Variants in GRIA3 observed in about 807,000 individuals in gnomAD.
GRIA3 encodes the protein glutamate ionotropic receptor AMPA type subunit 3, also known as glutamate receptor 3.
Under a neutral mutation model 63.0 loss-of-function variants are expected in GRIA3, and 3 were observed. The ratio of observed to expected loss-of-function variants is 0.05; its 90% CI spans 0.02 to 0.12. The LOEUF (loss-of-function observed/expected upper bound fraction) is 0.12, where lower values mean the gene tolerates loss of function less well. Among genes scored for constraint, GRIA3 ranks in the 10% least tolerant of loss-of-function variants. The pLI is 1.00. For missense variants in GRIA3, 347 were observed against 700.9 expected (o/e 0.50, Z 5.70); for synonymous variants, 274 against 257.9 (o/e 1.06, Z -0.60).
chrX:123,326,771 G>C (rs1371834488), intron 4 of GRIA3, among the ~76,000 whole-genome samples: 3 of 111,580 alleles, frequency 2.7e-5, no homozygotes, highest in Non-Finnish European at 5.7e-5. Context: ...GAGAGAGAGA[G>C]AGAGAACAAT....
intron 5 of GRIA3, among the ~76,000 whole-genome samples, chrX:123,363,067 T>C (rs17325282): frequency 0.39 from 43,159 of 111,609 alleles, 6,250 homozygotes; most frequent in Middle Eastern, 0.56. Context: ...TCATTAGCAA[T>C]CTGACAACTT....
intron 3 of GRIA3, among the ~76,000 whole-genome samples, chrX:123,263,833 C>G (rs775874311): frequency 3.8e-4 from 43 of 112,244 alleles, no homozygotes; most frequent in Non-Finnish European, 7.1e-4. Context: ...TGTGTATATG[C>G]TTTTGCATCT....
chrX:123,428,952 A>G (rs1036463549), intron 12 of GRIA3, among the ~76,000 whole-genome samples: 2 of 111,862 alleles, frequency 1.8e-5, no homozygotes, highest in East Asian at 5.7e-4. Flanking sequence ...TTTAAGAACT[A>G]AAATGTTTTT....
At chrX:123,259,309 T>C (rs2044436650) in intron 3 of GRIA3, among the ~76,000 whole-genome samples, 1 of 111,808 alleles carries the variant, frequency 8.9e-6, no homozygotes, top group Non-Finnish European at 1.9e-5. Flanking sequence ...CTCACACTTT[T>C]CTGCATGTTG....
At chrX:123,204,245 C>T (rs1178988155) in intron 2 of GRIA3, among the ~76,000 whole-genome samples, 4 of 112,119 alleles carry the variant, frequency 3.6e-5, no homozygotes, top group African/African-American at 9.7e-5. Context: ...GATCACACTA[C>T]TTAGATGAGT....
At chrX:123,389,928 G>A (rs2045376070) in intron 5 of GRIA3, among the ~76,000 whole-genome samples, 2 of 111,114 alleles carry the variant, frequency 1.8e-5, no homozygotes, top group Non-Finnish European at 3.8e-5. Flanking sequence ...GGATGGTCTC[G>A]ATCTCCTGAC....
intron 4 of GRIA3, among the ~76,000 whole-genome samples, chrX:123,350,789 G>A (rs12012025): frequency 0.045 from 4,996 of 112,034 alleles, 238 homozygotes; most frequent in African/African-American, 0.13. Context: ...TTTCTTCTAC[G>A]AATGAAACTC....
At chrX:123,431,027 T>TATAC (rs1556321106) in intron 12 of GRIA3, among the ~76,000 whole-genome samples, 1 of 99,465 alleles carries the variant, frequency 1.0e-5, no homozygotes, top group Non-Finnish European at 2.0e-5. Context: ...GTAACTCACA[T>TATAC]ACACACACAC....
chrX:123,289,420 TA>T (rs111359323), intron 3 of GRIA3, among the ~76,000 whole-genome samples: 7,001 of 99,017 alleles, frequency 0.071, 628 homozygotes, highest in African/African-American at 0.25. Flanking sequence ...AAGTATAATT[TA>T]AAAAAAATAT....
At chrX:123,403,250 G>A (rs746520975) in intron 8 of GRIA3, 152 bp downstream of exon 8, 1 of 588,317 alleles carries the variant, frequency 1.7e-6, no homozygotes, top group East Asian at 3.3e-5. Flanking sequence ...ACACCTATGT[G>A]TCAGTGTTGG....
At position 123,288,991 on chromosome X, in the gene GRIA3, T is replaced by G. The variant is rs113224177; in HGVS notation, c.508+35449T>G. ...ACACGTATGTTTATTGCAGCACTAT[T>G]CACAATAGCAAAGACTTGGAACCCA... is the stretch of plus-strand genomic sequence containing the variant. On this transcript the variant is annotated intron_variant, in intron 3 of 15. Transcript: ENST00000620443. Among the ~76,000 whole-genome samples the G allele has an allele frequency of 3.4e-3, 382 of 112,029 alleles. 1 individual carries two copies. Among genetic ancestry groups the G allele is most frequent in the African/African-American group, 0.011 (350 of 30,798 alleles).
At chrX:123,320,943 G>A (rs770486927) in intron 3 of GRIA3, among the ~76,000 whole-genome samples, 45 of 111,842 alleles carry the variant, frequency 4.0e-4, no homozygotes, top group Non-Finnish European at 7.7e-4. Context: ...AACCCGAGAA[G>A]CTCCACTTTT....
At chrX:123,354,287 C>T in intron 4 of GRIA3, among the ~76,000 whole-genome samples, 1 of 111,419 alleles carries the variant, frequency 9.0e-6, no homozygotes, top group East Asian at 2.8e-4. Flanking sequence ...AAAATGTCAC[C>T]AGGCATTGCC....
chrX:123,465,544 G>A, intron 13 of GRIA3: 1 of 546,952 alleles, frequency 1.8e-6, no homozygotes, highest in South Asian at 2.6e-5. Flanking sequence ...TGTATTTGCT[G>A]TACAGACATT....
intron 5 of GRIA3, among the ~76,000 whole-genome samples, chrX:123,394,287 G>A (rs938826442): frequency 9.0e-6 from 1 of 110,838 alleles, no homozygotes; most frequent in African/African-American, 3.3e-5. Context: ...GCTTGAACCC[G>A]GGGGGTGGTG....
chrX:123,487,509 T>A (rs1397792206), intron 15 of GRIA3, among the ~76,000 whole-genome samples: 1 of 111,764 alleles, frequency 8.9e-6, no homozygotes. Flanking sequence ...ATTCACGTTA[T>A]GTTAAGTATG....
At chrX:123,370,165 C>T (rs2045238284) in intron 5 of GRIA3, among the ~76,000 whole-genome samples, 2 of 111,774 alleles carry the variant, frequency 1.8e-5, no homozygotes, top group African/African-American at 6.5e-5. Context: ...GTGATAGGAG[C>T]CAAAACAGGA....
chrX:123,212,952 C>T (rs1928075082), intron 2 of GRIA3, among the ~76,000 whole-genome samples: 1 of 111,605 alleles, frequency 9.0e-6, no homozygotes, highest in African/African-American at 3.3e-5. Flanking sequence ...TGTTAGGAAC[C>T]AGGACACACA....
At chrX:123,232,439 G>T (rs1369144887) in intron 2 of GRIA3, among the ~76,000 whole-genome samples, 3 of 111,663 alleles carry the variant, frequency 2.7e-5, no homozygotes, top group African/African-American at 9.8e-5. Context: ...GTTGCCAGGG[G>T]ATAAGGGAAG....
Sources: allele counts gnomAD v4.1 joint callset (sites outside exome capture counted in the v4.1 genomes callset), GRCh38; gene constraint gnomAD v4.1.1; transcripts MANE v1.5; gene names NCBI Gene and HGNC (gene_info 2026-07-23, HGNC 2026-07-21).